ANKRD27: variants seen among roughly 807,000 people sequenced by gnomAD.
The protein encoded by ANKRD27 is ankyrin repeat domain 27, also known as ankyrin repeat domain-containing protein 27.
Under a neutral mutation model 129.7 loss-of-function variants are expected in ANKRD27, and 112 were observed. That is an observed-to-expected ratio of 0.86 (90% CI 0.74 to 1.01). The LOEUF (loss-of-function observed/expected upper bound fraction) is 1.01, where lower values mean the gene tolerates loss of function less well. Among genes scored for constraint, ANKRD27 ranks in the 50% least tolerant of loss-of-function variants. ANKRD27 has a pLI of 0.00. For synonymous variants in ANKRD27, 516 were observed against 511.2 expected, an observed-to-expected ratio of 1.01 and a Z score of -0.13; for missense variants, 1,258 against 1,300.5, an observed-to-expected ratio of 0.97 and a Z score of 0.50.
At chr19:32,661,412 C>A (rs954567576) in intron 1 of ANKRD27, among the ~76,000 whole-genome samples, 4 of 152,098 alleles carry the variant, frequency 2.6e-5, no homozygotes, top group Non-Finnish European at 4.4e-5. Flanking sequence ...CTCACCGTAA[C>A]CTTGAACTCC....
At position 32,607,789 on chromosome 19, in the gene ANKRD27, G is replaced by C. The variant is rs1971768958; in HGVS notation, c.2219C>G (p.Thr740Ser). 1 of 1,611,072 alleles carries C rather than the reference G, an allele frequency of 6.2e-7. No homozygotes were observed. Among genetic ancestry groups the C allele is most frequent in the Non-Finnish European group, 8.5e-7 (1 of 1,179,070 alleles). ...CAGCGGGGAGGAGCCGTCCTGGCTG[G>C]TCACGTTCACACCAAGCCCACTGGC... is the stretch of plus-strand genomic sequence containing the variant. ...VPASGLGVNVTSQDGSSPLHV... is the reference protein window; with the variant it reads ...VPASGLGVNVSSQDGSSPLHV... The change falls in exon 23 of 29, where the codon ACC becomes AGC. Residue 740 changes from threonine to serine, a missense_variant. By Grantham distance (58) the Thr-to-Ser change is moderately conservative. Transcript: ENST00000306065.
At position 32,626,751 on chromosome 19, in the gene ANKRD27, C is replaced by G. The variant is rs146044105; in HGVS notation, c.1497G>C (p.Pro499=). Residue 499 remains proline, a synonymous_variant, in exon 16 of 29, where the codon CCG becomes CCC. Transcript: ENST00000306065. ...VNATDYHGAT[P]LHLACQKGYQ... is the part of the protein sequence containing the mutation. ...AGCCCTTCTGACAGGCCAGGTGGAG[C>G]GGAGTGGCTCCATGGTAGTCTGTGG... 1 of 1,612,128 alleles carries G rather than the reference C, an allele frequency of 6.2e-7. No individual in the cohort carries two copies. The highest frequency in any genetic ancestry group is 8.5e-7 in the Non-Finnish European group (1 of 1,179,246).
intron 1 of ANKRD27, among the ~76,000 whole-genome samples, chr19:32,664,194 T>C (rs1967702895): frequency 6.6e-6 from 1 of 152,130 alleles, no homozygotes; most frequent in South Asian, 2.1e-4. Flanking sequence ...TCTTGCTATG[T>C]TGCAGTGGCT....
chr19:32,648,286 T>G (rs1967341328), intron 3 of ANKRD27, among the ~76,000 whole-genome samples: 1 of 151,442 alleles, frequency 6.6e-6, no homozygotes, highest in African/African-American at 2.4e-5. Flanking sequence ...AAAAATGTAG[T>G]GTGTGATTCT....
At chr19:32,659,112 A>C (rs566184015) in intron 1 of ANKRD27, 67 bp from the exon 2 acceptor site, 15 of 719,546 alleles carry the variant, frequency 2.1e-5, no homozygotes, top group Non-Finnish European at 2.9e-5. Flanking sequence ...GAAAGTCTGC[A>C]TCTGATGCAT....
chr19:32,609,295 G>A (rs1352945248), intron 22 of ANKRD27, among the ~76,000 whole-genome samples: 2 of 149,480 alleles, frequency 1.3e-5, no homozygotes, highest in East Asian at 1.9e-4. Context: ...ACCCAACAAC[G>A]TATATATCCA....
At chr19:32,627,950 G>T in intron 15 of ANKRD27, 133 bp downstream of exon 15, 1 of 775,892 alleles carries the variant, frequency 1.3e-6, no homozygotes, top group Non-Finnish European at 2.2e-6. Context: ...TCCGGCCCTT[G>T]GAGGGTGGAC....
rs761632048 is a variant in ANKRD27 at position 32,598,153 on chromosome 19, G to A, written c.3145C>T (p.Arg1049Trp). The A allele has an allele frequency of 8.1e-6, 13 of 1,613,886 alleles. No homozygotes were observed. Among genetic ancestry groups the A allele is most frequent in the Middle Eastern group, 1.6e-4 (1 of 6,084 alleles). Residue 1049 changes from arginine to tryptophan, a missense_variant, in exon 29 of 29, where the codon CGG becomes TGG. By Grantham distance (101) the Arg-to-Trp change is moderately radical. Transcript: ENST00000306065. ...LSTPQEVSAS[R>W]S Reference sequence around the variant, plus strand: ...ACAACTCCTCATTCCTGTTAGGACCGGGAAGCACTAACCTCTTGGGGAGTG... The same window carrying A: ...ACAACTCCTCATTCCTGTTAGGACCAGGAAGCACTAACCTCTTGGGGAGTG...
At chr19:32,665,746 A>G (rs1967741535) in intron 1 of ANKRD27, among the ~76,000 whole-genome samples, 1 of 150,808 alleles carries the variant, frequency 6.6e-6, no homozygotes, top group East Asian at 1.9e-4. Context: ...GGCATGAGCC[A>G]CCGCGCCCAG....
At chr19:32,620,679 G>A (rs568275065) in intron 18 of ANKRD27, among the ~76,000 whole-genome samples, 29 of 152,136 alleles carry the variant, frequency 1.9e-4, no homozygotes, top group Admixed American at 9.2e-4. Flanking sequence ...TTGAGGTCAT[G>A]AGTTTGAGAC....
Position 32,598,321 on chromosome 19 carries a change from G to A in ANKRD27, c.2977C>T (p.His993Tyr). The part of the protein sequence containing the change: ...QNNLPAQSGS[H>Y]AAEKGNSDWP... The stretch of plus-strand genomic sequence containing the variant: ...TCGCTGTTGCCTTTCTCAGCAGCAT[G>A]AGATCCACTCTGAGCTGGCAGGTTA... The change falls in exon 29 of 29, where the codon CAT becomes TAT. Residue 993 changes from histidine to tyrosine, a missense_variant. Physicochemically the swap from His to Tyr is moderately conservative, Grantham distance 83. Coordinates refer to ENST00000306065, the MANE Select transcript of ANKRD27 (RefSeq NM_032139.3). The A allele has an allele frequency of 3.1e-6, 5 of 1,614,166 alleles. No homozygotes were observed. The highest frequency in any genetic ancestry group is 4.2e-6 in the Non-Finnish European group (5 of 1,180,040).
At chr19:32,655,112 C>T (rs903635067) in intron 2 of ANKRD27, 6 of 152,238 alleles carry the variant, frequency 3.9e-5, no homozygotes, top group Non-Finnish European at 5.9e-5. Context: ...GCTCTATTTC[C>T]AGCATGGCAG....
At chr19:32,671,978 T>C (rs1222067939) in intron 1 of ANKRD27, among the ~76,000 whole-genome samples, 1 of 152,094 alleles carries the variant, frequency 6.6e-6, no homozygotes, top group African/African-American at 2.4e-5. Flanking sequence ...GCGTGCACAC[T>C]CGTGGTTTTG....
chr19:32,625,783 T>A, intron 17 of ANKRD27, 91 bp downstream of exon 17: 2 of 1,123,636 alleles, frequency 1.8e-6, no homozygotes, highest in South Asian at 3.6e-5. Context: ...CCAATAATTA[T>A]CGACACAAAA....
Position 32,626,763 on chromosome 19 carries a change from A to T in ANKRD27, c.1485T>A (p.His495Gln), listed in dbSNP as rs1322057204. 1 of 1,612,480 alleles carries T rather than the reference A, an allele frequency of 6.2e-7. No homozygotes were observed. Among genetic ancestry groups the T allele is most frequent in the Admixed American group, 1.7e-5 (1 of 59,794 alleles). ...AGGCCAGGTGGAGCGGAGTGGCTCC[A>T]TGGTAGTCTGTGGCATTTACCATGG... ...KGAMVNATDY[H>Q]GATPLHLACQ... Residue 495 changes from histidine (H) to glutamine (Q), a missense_variant, in exon 16 of 29, where the codon CAT becomes CAA. Coordinates refer to ENST00000306065, the MANE Select transcript of ANKRD27 (RefSeq NM_032139.3).
In ANKRD27 at chr19:32,669,799, C is replaced by T. The variant is rs59038967; in HGVS notation, c.-31+5272G>A. On this transcript the variant is annotated intron_variant, in intron 1 of 28. Coordinates refer to ENST00000306065, the MANE Select transcript of ANKRD27 (RefSeq NM_032139.3). ...ATCACCTGAAGTCAGGAGTTCAAGA[C>T]CACCCTGGCCAAAATGGTGAAACCC... Among the ~76,000 whole-genome samples, 107 of 152,112 alleles carry T rather than the reference C, an allele frequency of 7.0e-4. 1 individual carries two copies. Among genetic ancestry groups the T allele is most frequent in the African/African-American group, 2.5e-3 (103 of 41,504 alleles).
In ANKRD27 at chr19:32,615,650, A is replaced by G; in HGVS notation, c.2175+8T>C. On this transcript the variant is annotated splice_region_variant and intron_variant, in intron 22 of 28. Transcript: ENST00000306065. The stretch of plus-strand genomic sequence containing the variant: ...CCCTGACCTCCACCAACAGAAACAA[A>G]GCCAAACCTTCTGAGCTGGGGCACA... 6.2e-7 allele frequency: 1 copy of G among 1,614,128 alleles called. No homozygotes were observed. Among genetic ancestry groups the G allele is most frequent in the East Asian group, 2.2e-5 (1 of 44,884 alleles).
chr19:32,598,560 A>G (rs1166598083), intron 28 of ANKRD27, among the ~76,000 whole-genome samples, 182 bp from the exon 29 acceptor site: 1 of 152,180 alleles, frequency 6.6e-6, no homozygotes, highest in Admixed American at 6.6e-5. Flanking sequence ...CATGTGTCAG[A>G]GTAAATGTTT....
At position 32,666,639 on chromosome 19, in the gene ANKRD27, C is replaced by CTTTTTT. The variant is rs1421941665; in HGVS notation, c.-30-7595_-30-7594insAAAAAA. ...GGGCACAGAAAAGGAAATCAGATTT[C>CTTTTTT]TATTTTTTTTTTTTTTTTTTTTTGA... On this transcript the variant is annotated intron_variant, in intron 1 of 28. Transcript: ENST00000306065. Among the ~76,000 whole-genome samples, 12 of 112,020 alleles carry CTTTTTT rather than the reference C, an allele frequency of 1.1e-4. 4 individuals carry two copies. The highest frequency in any genetic ancestry group is 1.7e-4 in the African/African-American group (5 of 28,790). The allele number at this position is 112,020 out of a possible 152,430, so 73.5% of individuals were successfully genotyped here.
Sources: gnomAD v4.1 joint callset for allele counts (sites outside exome capture counted in the v4.1 genomes callset) on GRCh38, gnomAD v4.1.1 for gene constraint, MANE v1.5 for transcripts, NCBI Gene and HGNC (gene_info 2026-07-23, HGNC 2026-07-21) for gene names.